Variants in ADD3 observed in about 807,000 individuals in gnomAD.
ADD3 encodes the protein gamma-adducin.
Under a neutral mutation model 80.2 loss-of-function variants are expected in ADD3, and 25 were observed. That is an observed-to-expected ratio of 0.31 (90% CI 0.23 to 0.44). ADD3 has a LOEUF of 0.44. Among genes scored for constraint, ADD3 ranks in the 20% least tolerant of loss-of-function variants. The pLI, the probability that ADD3 is intolerant of heterozygous loss-of-function variation, is 1.00. For missense variants in ADD3, 829 were observed against 847.5 expected (o/e 0.98, Z 0.27); for synonymous variants, 284 against 289.6 (o/e 0.98, Z 0.20).
chr10:110,103,475 T>C (rs781764692), intron 2 of ADD3, among the ~76,000 whole-genome samples: 2 of 152,184 alleles, frequency 1.3e-5, no homozygotes, highest in Admixed American at 6.5e-5. Context: ...AAGACCACAA[T>C]TCCTTGCCAC....
intron 1 of ADD3, among the ~76,000 whole-genome samples, chr10:110,063,934 T>C (rs1843595354): frequency 6.6e-6 from 1 of 151,190 alleles, no homozygotes; most frequent in Non-Finnish European, 1.5e-5. Context: ...AAATTCAAAG[T>C]TTAGTTTTGA....
Position 110,133,675 on chromosome 10 carries a change from A to G in ADD3, c.*57A>G. The G allele has an allele frequency of 7.4e-7, 1 of 1,354,730 alleles. No homozygotes were observed. The highest frequency in any genetic ancestry group is 9.9e-7 in the Non-Finnish European group (1 of 1,011,650). The allele number at this position is 1,354,730 out of a possible 1,614,324, so 83.9% of individuals were successfully genotyped here. On this transcript the variant is annotated 3_prime_UTR_variant, in exon 15 of 15. Transcript: ENST00000356080. ...ATGTGACATTGCACATCTAAATACC[A>G]CATTTAAGTTGATCATTAATATGCA... is the stretch of plus-strand genomic sequence containing the variant.
intron 1 of ADD3, among the ~76,000 whole-genome samples, chr10:110,010,206 TG>T (rs1418822582): frequency 1.3e-5 from 2 of 152,060 alleles, no homozygotes; most frequent in Non-Finnish European, 2.9e-5. Context: ...AGATACAGGG[TG>T]GTGCCCAACT....
intron 1 of ADD3, among the ~76,000 whole-genome samples, chr10:110,098,528 A>T (rs1848435101): frequency 6.6e-6 from 1 of 152,178 alleles, no homozygotes; most frequent in South Asian, 2.1e-4. Flanking sequence ...AAAGCCTTCT[A>T]TCTAAACTAA....
At chr10:110,059,066 A>T (rs1185660787) in intron 1 of ADD3, among the ~76,000 whole-genome samples, 1 of 152,220 alleles carries the variant, frequency 6.6e-6, no homozygotes, top group Non-Finnish European at 1.5e-5. Flanking sequence ...GGCCTGGGTT[A>T]GGTGCCTTGT....
upstream of ADD3, among the ~76,000 whole-genome samples, chr10:110,003,810 T>C (rs1851535675): frequency 6.6e-6 from 1 of 152,172 alleles, no homozygotes; most frequent in Admixed American, 6.5e-5. Flanking sequence ...TAAAGAGCTC[T>C]ACAGAAAAGA....
At chr10:110,050,129 G>A (rs1857340988) in intron 1 of ADD3, among the ~76,000 whole-genome samples, 1 of 152,144 alleles carries the variant, frequency 6.6e-6, no homozygotes, top group South Asian at 2.1e-4. Flanking sequence ...ATGCTGAAAT[G>A]AGTTAAGACT....
intron 1 of ADD3, among the ~76,000 whole-genome samples, chr10:110,072,318 G>A (rs1412017890): frequency 1.3e-5 from 2 of 152,144 alleles, no homozygotes; most frequent in Non-Finnish European, 2.9e-5. Flanking sequence ...CCCAGCCTCG[G>A]CCTCCCAAAG....
intron 1 of ADD3, among the ~76,000 whole-genome samples, chr10:110,033,678 A>G (rs569880526): frequency 4.4e-4 from 67 of 152,350 alleles, no homozygotes; most frequent in African/African-American, 1.4e-3. Context: ...TAAGTGCTAT[A>G]TTAAAATGTA....
intron 14 of ADD3, 38 bp downstream of exon 14, chr10:110,132,438 T>TA: frequency 7.4e-7 from 1 of 1,357,826 alleles, no homozygotes; most frequent in Non-Finnish European, 1.1e-6. Context: ...TTCACTGAGT[T>TA]AGTCTTGAGT....
chr10:109,998,757 C>G (rs996363019), intron 1 of ADD3, among the ~76,000 whole-genome samples: 7 of 152,050 alleles, frequency 4.6e-5, no homozygotes, highest in Admixed American at 3.3e-4. Flanking sequence ...CTCCAGCTGC[C>G]GACTACAGAT....
At chr10:110,032,428 T>G (rs934094420) in intron 1 of ADD3, among the ~76,000 whole-genome samples, 3 of 151,820 alleles carry the variant, frequency 2.0e-5, no homozygotes, top group African/African-American at 7.3e-5. Context: ...TTTGGAAAGA[T>G]AAGGAGAGAA....
At chr10:110,007,621 C>CA (rs1851758254), upstream of ADD3, among the ~76,000 whole-genome samples, 1 of 152,158 alleles carries the variant, frequency 6.6e-6, no homozygotes, top group Non-Finnish European at 1.5e-5. Context: ...CAGAAGAGGA[C>CA]GTTGAAAAGG....
intron 1 of ADD3, among the ~76,000 whole-genome samples, chr10:110,050,476 G>GCC (rs973017829): frequency 6.7e-6 from 1 of 149,560 alleles, no homozygotes; most frequent in African/African-American, 2.5e-5. Flanking sequence ...GTCCTCCCCA[G>GCC]CCACGTGGAA....
At chr10:110,059,612 T>C (rs1727521444) in intron 1 of ADD3, among the ~76,000 whole-genome samples, 1 of 151,106 alleles carries the variant, frequency 6.6e-6, no homozygotes, top group South Asian at 2.1e-4. Flanking sequence ...CTACCAAAAA[T>C]ACAAAAATTA....
intron 1 of ADD3, among the ~76,000 whole-genome samples, chr10:110,078,719 C>T (rs750558149): frequency 6.6e-6 from 1 of 152,158 alleles, no homozygotes; most frequent in African/African-American, 2.4e-5. Flanking sequence ...CTTTACATCT[C>T]TGAAATAAAT....
Position 110,135,234 on chromosome 10 carries a change from T to A in ADD3, c.*1616T>A, listed in dbSNP as rs1853513471. 6.6e-6 allele frequency: 1 copy of A among 152,648 alleles called. No homozygotes were observed. Among genetic ancestry groups the A allele is most frequent in the Non-Finnish European group, 1.5e-5 (1 of 68,030 alleles). 9.5% of individuals were successfully genotyped at this position (152,648 alleles called of 1,614,324 possible). Reference sequence around the variant, plus strand: ...TAATCTCTTGGTGGAAACTTTCAGTTGCTTAACTCTCTATTGGAAGATTTT... The same window carrying A: ...TAATCTCTTGGTGGAAACTTTCAGTAGCTTAACTCTCTATTGGAAGATTTT... On this transcript the variant is annotated 3_prime_UTR_variant, in exon 15 of 15. Coordinates refer to ENST00000356080, the MANE Select transcript of ADD3 (RefSeq NM_016824.5).
chr10:110,007,059 T>C (rs1851694415), upstream of ADD3, among the ~76,000 whole-genome samples: 1 of 151,970 alleles, frequency 6.6e-6, no homozygotes, highest in African/African-American at 2.4e-5. Flanking sequence ...GAGAAACATG[T>C]CTGGGCGAGG....
At chr10:110,023,335 ACT>A (rs1564851346) in intron 1 of ADD3, among the ~76,000 whole-genome samples, 1 of 152,182 alleles carries the variant, frequency 6.6e-6, no homozygotes, top group Non-Finnish European at 1.5e-5. Flanking sequence ...TTTACCAGAC[ACT>A]GAGTCTGCCA....
Sources: allele counts gnomAD v4.1 joint callset (sites outside exome capture counted in the v4.1 genomes callset), GRCh38; gene constraint gnomAD v4.1.1; transcripts MANE v1.5; gene names NCBI Gene and HGNC (gene_info 2026-07-23, HGNC 2026-07-21).